CYB5A: variants seen among roughly 807,000 people sequenced by gnomAD.
The protein encoded by CYB5A is cytochrome b5 type A.
A neutral mutation model predicts 16.2 loss-of-function variants in CYB5A; 10 were observed. That is an observed-to-expected ratio of 0.62 (90% CI 0.38 to 1.04). The LOEUF (loss-of-function observed/expected upper bound fraction) is 1.04. Ranked by LOEUF, CYB5A falls within the 50% of genes least tolerant of loss-of-function variation. The pLI is 0.01. For synonymous variants in CYB5A, 62 were observed against 57.0 expected (o/e 1.09, Z -0.40); for missense variants, 161 against 165.9 (o/e 0.97, Z 0.16).
At chr18:74,283,632 C>T (rs1983202319) in intron 1 of CYB5A, among the ~76,000 whole-genome samples, 1 of 152,136 alleles carries the variant, frequency 6.6e-6, no homozygotes, top group Non-Finnish European at 1.5e-5. Context: ...TCCCTGGTTC[C>T]TCCAGAGAAC....
chr18:74,259,756 T>C (rs1555688279), intron 3 of CYB5A: 1 of 152,164 alleles, frequency 6.6e-6, no homozygotes, highest in Non-Finnish European at 1.5e-5. Context: ...GGAAAAACTT[T>C]ATGCAACACA....
rs775088410 is a variant in CYB5A at position 74,291,710 on chromosome 18, C to T, written c.129+37G>A. On this transcript the variant is annotated intron_variant, in intron 1 of 4. Coordinates refer to ENST00000340533, the MANE Select transcript of CYB5A (RefSeq NM_148923.4). The stretch of plus-strand genomic sequence containing the variant: ...CCAGTGAACCCCCAAACCCGGCCCA[C>T]GCTCCCTGCGCCCCAAGCCGCTCAT... 6 of 1,613,060 alleles carry T rather than the reference C, an allele frequency of 3.7e-6. No individual in the cohort carries two copies. In the Admixed American group the frequency reaches 1.0e-4, roughly 27 times the overall value.
chr18:74,262,913 G>T (rs1444884212), intron 2 of CYB5A, among the ~76,000 whole-genome samples: 1 of 152,162 alleles, frequency 6.6e-6, no homozygotes, highest in Non-Finnish European at 1.5e-5. Context: ...ACTTTGAGAG[G>T]CCGAGGTGGG....
intron 1 of CYB5A, among the ~76,000 whole-genome samples, chr18:74,276,715 G>A (rs1403234050): frequency 1.3e-5 from 2 of 152,116 alleles, no homozygotes; most frequent in African/African-American, 4.8e-5. Context: ...ACCGAACCCA[G>A]GGGAATGAAC....
rs1379864920 is a variant in CYB5A at position 74,256,784 on chromosome 18, C to T, written c.289-1009G>A. ...AGAGAAACTCCCGTGAAAAGACAGA[C>T]CCCTTTCAGGGAAAAGCAAGCAAAG... On this transcript the variant is annotated intron_variant, in intron 3 of 4. Coordinates refer to ENST00000340533, the MANE Select transcript of CYB5A (RefSeq NM_148923.4). The T allele has an allele frequency of 9.5e-6, 15 of 1,586,006 alleles. No homozygotes were observed. In the South Asian group the frequency reaches 1.3e-4, roughly 14 times the overall value.
chr18:74,259,548 A>G (rs994123513), intron 3 of CYB5A: 14 of 152,222 alleles, frequency 9.2e-5, no homozygotes, highest in South Asian at 2.1e-4. Flanking sequence ...CACATGTACA[A>G]TCTTACACCT....
intron 1 of CYB5A, among the ~76,000 whole-genome samples, chr18:74,281,180 T>TG (rs1983086970): frequency 6.6e-6 from 1 of 152,226 alleles, no homozygotes; most frequent in East Asian, 1.9e-4. Context: ...CCTGAGCAGC[T>TG]GGGAGAATGG....
intron 1 of CYB5A, chr18:74,291,145 G>A: frequency 5.5e-6 from 1 of 182,992 alleles, no homozygotes; most frequent in South Asian, 1.1e-4. Flanking sequence ...CGCACTTGGG[G>A]TCCCCTCCGG....
chr18:74,265,516 C>T (rs545792745), intron 1 of CYB5A, among the ~76,000 whole-genome samples: 1 of 152,186 alleles, frequency 6.6e-6, no homozygotes, highest in Non-Finnish European at 1.5e-5. Flanking sequence ...TCTGGCACAT[C>T]GTTTATGCTC....
chr18:74,270,019 T>C (rs1050165133), intron 1 of CYB5A, among the ~76,000 whole-genome samples: 2 of 152,100 alleles, frequency 1.3e-5, no homozygotes, highest in Non-Finnish European at 2.9e-5. Context: ...AGTAACACGT[T>C]CCCACTGCTG....
intron 1 of CYB5A, among the ~76,000 whole-genome samples, chr18:74,273,233 G>C (rs1424637350): frequency 6.6e-6 from 1 of 152,206 alleles, no homozygotes; most frequent in Non-Finnish European, 1.5e-5. Flanking sequence ...TGTGCTGAGT[G>C]ACTGACTGGA....
chr18:74,263,319 A>G, intron 2 of CYB5A, 30 bp downstream of exon 2: 1 of 1,613,870 alleles, frequency 6.2e-7, no homozygotes, highest in Non-Finnish European at 8.5e-7. Context: ...CTTAAATACA[A>G]ATAAGAAAGG....
Position 74,256,579 on chromosome 18 carries a change from A to G in CYB5A, c.289-804T>C, listed in dbSNP as rs544067047. 5.8e-6 allele frequency: 3 copies of G among 513,098 alleles called. No homozygotes were observed. In the Admixed American group the frequency reaches 1.1e-4, roughly 18 times the overall value. The allele number at this position is 513,098 out of a possible 1,614,324, so 31.8% of individuals were successfully genotyped here. A position where few individuals can be genotyped will look rare whatever the true frequency, so the allele number is the denominator to read the frequency against. On this transcript the variant is annotated intron_variant, in intron 3 of 4. Coordinates refer to ENST00000340533, the MANE Select transcript of CYB5A (RefSeq NM_148923.4). ...TGAAATATCAACTTTTTGGGGCTTGAAAATGGGTTAAGAAGCATTCTTTTG... is the reference window on the plus strand; with the variant it reads ...TGAAATATCAACTTTTTGGGGCTTGGAAATGGGTTAAGAAGCATTCTTTTG...
In CYB5A at chr18:74,253,375, G is replaced by C; in HGVS notation, c.*209C>G. ...CACATTAAGGAAACATCAAAATAAAGTAGATGAATAAAAAGGCACACTCGA... is the reference window on the plus strand; with the variant it reads ...CACATTAAGGAAACATCAAAATAAACTAGATGAATAAAAAGGCACACTCGA... On this transcript the variant is annotated 3_prime_UTR_variant, in exon 5 of 5. Transcript: ENST00000340533. 4.1e-6 allele frequency: 2 copies of C among 484,810 alleles called. No homozygotes were observed. The highest frequency in any genetic ancestry group is 7.6e-6 in the Non-Finnish European group (2 of 264,686). The allele number at this position is 484,810 out of a possible 1,614,324, so 30.0% of individuals were successfully genotyped here.
intron 4 of CYB5A, among the ~76,000 whole-genome samples, chr18:74,254,401 C>CAA (rs35917281): frequency 1.8e-5 from 2 of 110,422 alleles, no homozygotes; most frequent in African/African-American, 7.0e-5. Context: ...CTAAATTCAC[C>CAA]AAAAAAAAAA....
At chr18:74,268,002 C>T (rs1788629) in intron 1 of CYB5A, among the ~76,000 whole-genome samples, 2,047 of 152,298 alleles carry the variant, frequency 0.013, 42 homozygotes, top group African/African-American at 0.046. Flanking sequence ...CTGACCCTAA[C>T]GGTCTTCCGT....
intron 1 of CYB5A, among the ~76,000 whole-genome samples, chr18:74,278,036 T>C (rs894429793): frequency 1.3e-5 from 2 of 152,204 alleles, no homozygotes; most frequent in African/African-American, 4.8e-5. Flanking sequence ...TATCAGTGGG[T>C]AACATCTAAT....
At chr18:74,291,667 C>T in intron 1 of CYB5A, 80 bp downstream of exon 1, 1 of 1,601,752 alleles carries the variant, frequency 6.2e-7, no homozygotes, top group Non-Finnish European at 8.5e-7. Context: ...GACTCCGGGC[C>T]GCGAAAGACA....
intron 1 of CYB5A, among the ~76,000 whole-genome samples, chr18:74,288,626 C>G (rs1024908069): frequency 6.6e-6 from 1 of 152,196 alleles, no homozygotes; most frequent in Non-Finnish European, 1.5e-5. Context: ...GACAAACAGA[C>G]TAGCCTCATA....
Sources: gnomAD v4.1 joint callset for allele counts (sites outside exome capture counted in the v4.1 genomes callset) on GRCh38, gnomAD v4.1.1 for gene constraint, MANE v1.5 for transcripts, NCBI Gene and HGNC (gene_info 2026-07-23, HGNC 2026-07-21) for gene names.